The following ABHD12 variants were observed in gnomAD, a reference collection of about 807,000 sequenced individuals.
ABHD12 encodes lysophosphatidylserine lipase ABHD12.
Under a neutral mutation model 58.3 loss-of-function variants are expected in ABHD12, and 43 were observed. The ratio of observed to expected loss-of-function variants is 0.74; its 90% CI spans 0.58 to 0.95. The LOEUF (loss-of-function observed/expected upper bound fraction) is 0.95, where lower values mean the gene tolerates loss of function less well. Ranked by LOEUF, ABHD12 falls within the 40% of genes least tolerant of loss-of-function variation. ABHD12 has a pLI of 0.00. For synonymous variants in ABHD12, 219 were observed against 211.2 expected, an observed-to-expected ratio of 1.04 and a Z score of -0.32; for missense variants, 539 against 537.2, an observed-to-expected ratio of 1.00 and a Z score of -0.03.
At chr20:25,300,094 T>G (rs2088608344), downstream of ABHD12, 1 of 745,350 alleles carries the variant, frequency 1.3e-6, no homozygotes, top group Admixed American at 6.3e-5. Context: ...GACTAGAAAA[T>G]TTCATAGTCT....
At chr20:25,351,425 G>A (rs2089598679) in intron 1 of ABHD12, among the ~76,000 whole-genome samples, 1 of 152,160 alleles carries the variant, frequency 6.6e-6, no homozygotes, top group Non-Finnish European at 1.5e-5. Flanking sequence ...ACCTTTTTCT[G>A]TTTCACAGTG....
At chr20:25,317,884 C>A (rs1202271414) in intron 4 of ABHD12, among the ~76,000 whole-genome samples, 1 of 152,174 alleles carries the variant, frequency 6.6e-6, no homozygotes, top group African/African-American at 2.4e-5. Flanking sequence ...GGGAGGAGGG[C>A]GGGTCCACAC....
intron 1 of ABHD12, chr20:25,339,887 G>A (rs189794232): frequency 1.5e-5 from 11 of 717,708 alleles, no homozygotes; most frequent in Middle Eastern, 5.8e-4. Context: ...GCATTTACGC[G>A]TGGGCGAGCC....
At chr20:25,356,675 G>A (rs1241408077) in intron 1 of ABHD12, among the ~76,000 whole-genome samples, 2 of 152,242 alleles carry the variant, frequency 1.3e-5, no homozygotes, top group Non-Finnish European at 2.9e-5. Flanking sequence ...AAGCCCTGCG[G>A]AGCACCAGGA....
At chr20:25,364,540 T>G (rs1273094946) in intron 1 of ABHD12, among the ~76,000 whole-genome samples, 1 of 152,178 alleles carries the variant, frequency 6.6e-6, no homozygotes, top group South Asian at 2.1e-4. Flanking sequence ...CAGCCATTCA[T>G]AAGGAATCTT....
In ABHD12 at chr20:25,390,694, G is replaced by A. The variant is rs1477194578; in HGVS notation, c.10C>T (p.Arg4Trp). MRK[R>W]TEPVALEHER... ...TGCTCCAAGGCGACGGGCTCGGTCCGCTTCCTCATCCCGCGGCCGACAGGG... is the reference window on the plus strand; with the variant it reads ...TGCTCCAAGGCGACGGGCTCGGTCCACTTCCTCATCCCGCGGCCGACAGGG... Residue 4 changes from arginine (R) to tryptophan (W), a missense_variant, in exon 1 of 13, where the codon CGG becomes TGG. By Grantham distance (101) the Arg-to-Trp change is moderately radical (BLOSUM62 -3). Transcript: ENST00000339157. 2.1e-6 allele frequency: 3 copies of A among 1,398,770 alleles called. No homozygotes were observed. The highest frequency in any genetic ancestry group is 1.5e-5 in the South Asian group (1 of 68,026). 86.6% of individuals were successfully genotyped at this position (1,398,770 alleles called of 1,614,324 possible).
At position 25,300,560 on chromosome 20, in the gene ABHD12, G is replaced by C; in HGVS notation, c.*285C>G. The C allele has an allele frequency of 1.4e-6, 2 of 1,402,784 alleles. No individual in the cohort carries two copies. The highest frequency in any genetic ancestry group is 1.9e-6 in the Non-Finnish European group (2 of 1,079,902). 86.9% of individuals were successfully genotyped at this position (1,402,784 alleles called of 1,614,324 possible). On this transcript the variant is annotated 3_prime_UTR_variant, in exon 13 of 13. Coordinates refer to ENST00000339157, the MANE Select transcript of ABHD12 (RefSeq NM_001042472.3). Reference sequence around the variant, plus strand: ...AGTGCAGCATCAAGCAGGCAGTGATGGCTGCCTGCTGCCATTAAGTCTCCC... The same window carrying C: ...AGTGCAGCATCAAGCAGGCAGTGATCGCTGCCTGCTGCCATTAAGTCTCCC...
chr20:25,381,641 T>G, intron 1 of ABHD12, among the ~76,000 whole-genome samples: 1 of 150,986 alleles, frequency 6.6e-6, no homozygotes, highest in East Asian at 1.9e-4. Context: ...TTTTTTTTTT[T>G]CCTTGTTTTG....
At chr20:25,346,522 T>C (rs1467305998) in intron 1 of ABHD12, among the ~76,000 whole-genome samples, 3 of 152,158 alleles carry the variant, frequency 2.0e-5, no homozygotes, top group South Asian at 2.1e-4. Context: ...AAATATGCCA[T>C]TGCAGTGCAG....
At chr20:25,326,213 G>A (rs910923323) in intron 2 of ABHD12, among the ~76,000 whole-genome samples, 7 of 152,036 alleles carry the variant, frequency 4.6e-5, no homozygotes, top group African/African-American at 1.7e-4. Context: ...AGAAAGGAAA[G>A]AAAGGAAAGC....
At chr20:25,299,582 G>A (rs189774054), downstream of ABHD12, among the ~76,000 whole-genome samples, 182 of 152,166 alleles carry the variant, frequency 1.2e-3, 1 homozygote, top group Middle Eastern at 0.017. Flanking sequence ...AGTGTGCGAC[G>A]AGGCCAGGAG....
At chr20:25,320,375 G>A in intron 3 of ABHD12, 57 bp from the exon 4 acceptor site, 1 of 1,606,354 alleles carries the variant, frequency 6.2e-7, no homozygotes, top group South Asian at 1.1e-5. Context: ...TCCTCATCCT[G>A]GCGACTGCAC....
chr20:25,300,102 T>G (rs1163370659), downstream of ABHD12: 3 of 791,644 alleles, frequency 3.8e-6, no homozygotes, highest in African/African-American at 3.8e-5. Flanking sequence ...AATTTCATAG[T>G]CTGAGGCTGA....
At chr20:25,314,108 G>A (rs1382857810) in intron 6 of ABHD12, among the ~76,000 whole-genome samples, 1 of 152,024 alleles carries the variant, frequency 6.6e-6, no homozygotes, top group Non-Finnish European at 1.5e-5. Context: ...GAATAGCTGG[G>A]ACTACAGGTG....
chr20:25,323,372 C>CG lies in ABHD12; in HGVS notation c.374dup (p.Cys126ValfsTer2), dbSNP rs1396562812. 1 of 1,613,978 alleles carries CG rather than the reference C, an allele frequency of 6.2e-7. No individual in the cohort carries two copies. Among genetic ancestry groups the CG allele is most frequent in the East Asian group, 2.2e-5 (1 of 44,898 alleles). On this transcript the variant is annotated frameshift_variant, in exon 3 of 13. Transcript: ENST00000339157. LOFTEE classifies it high-confidence loss of function. The stretch of plus-strand genomic sequence containing the variant: ...CCTCTGGCTGCAGGTAGTAGTTACA[C>CG]GTGTGATTCAAACCTTGATCCTGTG...
rs56792874 is a variant in ABHD12, at chr20:25,313,578, AAAAATAAAATAAAATAAAATAAAAT to A, written c.619+1322_619+1346del. 1.7e-4 allele frequency among the ~76,000 whole-genome samples: 23 copies of A among 131,684 alleles called. No individual in the cohort carries two copies. The South Asian group carries it at 4.5e-3, about 26-fold the overall frequency. 86.4% of individuals were successfully genotyped at this position (131,684 alleles called of 152,430 possible). A position where few individuals can be genotyped will look rare whatever the true frequency, so the allele number is the denominator to read the frequency against. ...AGAGGAACACCCAAGAATGATCAATAAAAATAAAATAAAATAAAATAAAATAAAATAAAATAAAATAAAATAAAAT... is the reference window on the plus strand; with the variant it reads ...AGAGGAACACCCAAGAATGATCAATAAAAATAAAATAAAATAAAATAAAAT... On this transcript the variant is annotated intron_variant, in intron 6 of 12. Transcript: ENST00000339157.
At chr20:25,386,552 G>T (rs2090093750) in intron 1 of ABHD12, among the ~76,000 whole-genome samples, 1 of 151,820 alleles carries the variant, frequency 6.6e-6, no homozygotes, top group Non-Finnish European at 1.5e-5. Flanking sequence ...GAGCCACCGA[G>T]CCCGGCCTCA....
chr20:25,328,027 C>A (rs925693616), intron 2 of ABHD12, among the ~76,000 whole-genome samples: 1 of 151,922 alleles, frequency 6.6e-6, no homozygotes. Flanking sequence ...CCACACCCAC[C>A]AAGTTGTCCT....
At chr20:25,298,822 G>C (rs1273444949), downstream of ABHD12, among the ~76,000 whole-genome samples, 1 of 152,200 alleles carries the variant, frequency 6.6e-6, no homozygotes, top group Non-Finnish European at 1.5e-5. Flanking sequence ...AGTGCCATGG[G>C]CCTCCTTGGC....
Sources: gnomAD v4.1 joint callset for allele counts (sites outside exome capture counted in the v4.1 genomes callset) on GRCh38, gnomAD v4.1.1 for gene constraint, MANE v1.5 for transcripts, NCBI Gene and HGNC (gene_info 2026-07-23, HGNC 2026-07-21) for gene names.